Variants in ARHGEF6 observed in about 807,000 individuals in gnomAD.
ARHGEF6 encodes rho guanine nucleotide exchange factor 6.
ARHGEF6 carries 9 observed loss-of-function variants against 70.3 expected under a neutral mutation model. The observed-to-expected ratio is 0.13, with a 90% confidence interval of 0.08 to 0.22. The LOEUF is 0.22. ARHGEF6 is among the 10% of genes least tolerant of loss of function. ARHGEF6 has a pLI of 1.00. For synonymous variants in ARHGEF6, 201 were observed against 207.8 expected, an observed-to-expected ratio of 0.97 and a Z score of 0.28; for missense variants, 470 against 563.0, an observed-to-expected ratio of 0.83 and a Z score of 1.67.
chrX:136,710,763 C>T (rs952617836), intron 7 of ARHGEF6, among the ~76,000 whole-genome samples: 1 of 110,951 alleles, frequency 9.0e-6, no homozygotes, highest in African/African-American at 3.3e-5. Flanking sequence ...TCTCTCACCT[C>T]CTTGGCCCTG....
chrX:136,767,107 C>T (rs2077323043), intron 2 of ARHGEF6: 1 of 754,731 alleles, frequency 1.3e-6, no homozygotes, highest in African/African-American at 2.3e-5. Context: ...CTCGCGCGCT[C>T]CCCTTCCCCT....
chrX:136,773,335 G>A lies in ARHGEF6; in HGVS notation c.249+6079C>T, dbSNP rs7059587. Among the ~76,000 whole-genome samples the A allele has an allele frequency of 2.3e-3, 258 of 112,177 alleles. 1 individual carries two copies. The highest frequency in any genetic ancestry group is 8.1e-3 in the African/African-American group (251 of 30,891). On this transcript the variant is annotated intron_variant, in intron 2 of 21. Coordinates refer to ENST00000250617, the MANE Select transcript of ARHGEF6 (RefSeq NM_004840.3). ...AGGTATGTCCTATGCCAGGCACTGT[G>A]CCAGGCACTTTGGGCCCGAGAGAGA... is the stretch of plus-strand genomic sequence containing the variant.
At chrX:136,701,274 GAGAAC>G (rs2076568101) in intron 9 of ARHGEF6, among the ~76,000 whole-genome samples, 1 of 111,400 alleles carries the variant, frequency 9.0e-6, no homozygotes, top group Non-Finnish European at 1.9e-5. Flanking sequence ...AGGTATCTCA[GAGAAC>G]ACCAAGCAGG....
rs937858387 is a variant in ARHGEF6, at chrX:136,752,526, A to G, written c.250-4934T>C. 2.7e-5 allele frequency among the ~76,000 whole-genome samples: 3 copies of G among 112,328 alleles called. No homozygotes were observed. The Admixed American group carries it at 2.8e-4, about 11-fold the overall frequency. On this transcript the variant is annotated intron_variant, in intron 2 of 21. Transcript: ENST00000250617. ...ACATCATGCTCTAACCACCTGAGTTAACCAGTCACAGCAGTCTAGCCACAT... is the reference window on the plus strand; with the variant it reads ...ACATCATGCTCTAACCACCTGAGTTGACCAGTCACAGCAGTCTAGCCACAT...
intron 9 of ARHGEF6, among the ~76,000 whole-genome samples, chrX:136,697,867 T>C (rs1243739811): frequency 1.8e-5 from 2 of 112,612 alleles, no homozygotes; most frequent in East Asian, 5.5e-4. Context: ...GAAACAGCAA[T>C]GTGTAACTTA....
chrX:136,668,179 G>A lies in ARHGEF6; in HGVS notation c.2191-10C>T. The A allele has an allele frequency of 1.7e-6, 2 of 1,210,655 alleles. No individual in the cohort carries two copies. The highest frequency in any genetic ancestry group is 2.2e-6 in the Non-Finnish European group (2 of 895,118). On this transcript the variant is annotated splice_polypyrimidine_tract_variant and intron_variant, in intron 21 of 21. Transcript: ENST00000250617. The stretch of plus-strand genomic sequence containing the variant: ...TCATTCTTTTATTTTCCTATGATGG[G>A]GAAAGATTTGTTGATTATCAAACAG...
rs1440869053 is a variant in ARHGEF6 at position 136,686,621 on chromosome X, T to TATAC, written c.1246-799_1246-798insGTAT. Among the ~76,000 whole-genome samples, 137 of 68,537 alleles carry TATAC rather than the reference T, an allele frequency of 2.0e-3. 1 individual carries two copies. Among genetic ancestry groups the TATAC allele is most frequent in the African/African-American group, 9.7e-3 (123 of 12,719 alleles). The allele number at this position is 68,537 out of a possible 115,157, so 59.5% of individuals were successfully genotyped here. ...ATATATATATATATATATATATATA[T>TATAC]ACACATATATATATATATATACACA... is the stretch of plus-strand genomic sequence containing the variant. On this transcript the variant is annotated intron_variant, in intron 11 of 21. Coordinates refer to ENST00000250617, the MANE Select transcript of ARHGEF6 (RefSeq NM_004840.3).
At chrX:136,730,350 A>G (rs2148645999) in intron 6 of ARHGEF6, among the ~76,000 whole-genome samples, 1 of 111,817 alleles carries the variant, frequency 8.9e-6, no homozygotes, top group African/African-American at 3.2e-5. Context: ...CACTCAAAAC[A>G]TATTTTGAAT....
intron 6 of ARHGEF6, among the ~76,000 whole-genome samples, chrX:136,718,266 TAA>T (rs2076758278): frequency 9.0e-6 from 1 of 111,412 alleles, no homozygotes; most frequent in Non-Finnish European, 1.9e-5. Flanking sequence ...TTATCAGGAA[TAA>T]AAGAGGCATT....
intron 2 of ARHGEF6, among the ~76,000 whole-genome samples, chrX:136,756,486 G>T (rs1453524600): frequency 9.0e-6 from 1 of 111,664 alleles, no homozygotes; most frequent in South Asian, 3.7e-4. Flanking sequence ...CGTTTTTGTT[G>T]TAAAACTGAA....
intron 6 of ARHGEF6, among the ~76,000 whole-genome samples, chrX:136,719,887 C>T: frequency 9.0e-6 from 1 of 111,413 alleles, no homozygotes. Flanking sequence ...ATTTGATAAC[C>T]TAGATTAAAT....
intron 2 of ARHGEF6, among the ~76,000 whole-genome samples, chrX:136,759,409 G>T (rs1209173432): frequency 9.0e-6 from 1 of 111,327 alleles, no homozygotes; most frequent in Non-Finnish European, 1.9e-5. Flanking sequence ...GGAGGCCGAG[G>T]GGGGCGGATC....
intron 19 of ARHGEF6, 29 bp from the exon 20 acceptor site, chrX:136,672,148 G>A: frequency 9.4e-7 from 1 of 1,063,424 alleles, no homozygotes; most frequent in Non-Finnish European, 1.3e-6. Flanking sequence ...AGATGGGGGA[G>A]GAGGGAGAGT....
intron 2 of ARHGEF6, among the ~76,000 whole-genome samples, chrX:136,763,045 T>C (rs1293910624): frequency 8.9e-6 from 1 of 112,019 alleles, no homozygotes; most frequent in East Asian, 2.8e-4. Flanking sequence ...CAGAGAGTTA[T>C]GTGTTTGGGG....
intron 9 of ARHGEF6, among the ~76,000 whole-genome samples, chrX:136,701,256 G>A (rs2148607668): frequency 9.0e-6 from 1 of 111,509 alleles, no homozygotes; most frequent in African/African-American, 3.3e-5. Flanking sequence ...ACCCCAAACT[G>A]CTGATCCAGG....
intron 5 of ARHGEF6, among the ~76,000 whole-genome samples, chrX:136,733,541 C>G (rs1170858676): frequency 9.0e-6 from 1 of 111,646 alleles, no homozygotes; most frequent in Non-Finnish European, 1.9e-5. Context: ...TCTTTCTAAC[C>G]TTACCTGCAG....
intron 6 of ARHGEF6, among the ~76,000 whole-genome samples, chrX:136,723,496 C>T (rs971403945): frequency 8.9e-6 from 1 of 111,928 alleles, no homozygotes; most frequent in Non-Finnish European, 1.9e-5. Context: ...CTCAAGTAAT[C>T]ACTTATACTC....
intron 5 of ARHGEF6, among the ~76,000 whole-genome samples, chrX:136,740,072 G>A (rs6635317): frequency 0.24 from 26,899 of 109,867 alleles, 2,754 homozygotes; most frequent in East Asian, 0.64. Flanking sequence ...GCAGTGGCAC[G>A]ATCTCAGCTC....
chrX:136,750,257 C>T (rs1359480547), intron 2 of ARHGEF6, among the ~76,000 whole-genome samples: 1 of 112,424 alleles, frequency 8.9e-6, no homozygotes, highest in East Asian at 2.8e-4. Context: ...AACCAATTCC[C>T]TTTTCTGTCT....
Sources: allele counts gnomAD v4.1 joint callset (sites outside exome capture counted in the v4.1 genomes callset), GRCh38; gene constraint gnomAD v4.1.1; transcripts MANE v1.5; gene names NCBI Gene and HGNC (gene_info 2026-07-23, HGNC 2026-07-21).